Variants in WDR49 observed in about 807,000 individuals in gnomAD.
The protein encoded by WDR49 is cilia- and flagella-associated protein 337.
A neutral mutation model predicts 119.5 loss-of-function variants in WDR49; 107 were observed. That is an observed-to-expected ratio of 0.90 (90% CI 0.77 to 1.05). The LOEUF (loss-of-function observed/expected upper bound fraction) is 1.05. Ranked by LOEUF, WDR49 falls within the 50% of genes least tolerant of loss-of-function variation. The pLI, the probability that WDR49 is intolerant of heterozygous loss-of-function variation, is 0.00. For synonymous variants in WDR49, 425 were observed against 418.8 expected, an observed-to-expected ratio of 1.01 and a Z score of -0.18; for missense variants, 1,240 against 1,220.5, an observed-to-expected ratio of 1.02 and a Z score of -0.24.
intron 3 of WDR49, 143 bp downstream of exon 3, chr3:167,626,709 C>T (rs959021611): frequency 1.8e-6 from 1 of 568,940 alleles, no homozygotes; most frequent in Non-Finnish European, 2.6e-6. Flanking sequence ...CCCAAGAAAA[C>T]AGCTGGCACT....
In WDR49 at chr3:167,478,732, A is replaced by G; in HGVS notation, c.*146T>C. ...AAGAATACAGAGAAATTGACAGATG[A>G]TAGATAAAAGCAGTACTAAATTATC... On this transcript the variant is annotated 3_prime_UTR_variant, in exon 19 of 19. Coordinates refer to ENST00000682715, the MANE Select transcript of WDR49 (RefSeq NM_001366157.1). The G allele has an allele frequency of 2.1e-6, 1 of 472,360 alleles. No homozygotes were observed. Among genetic ancestry groups the G allele is most frequent in the Non-Finnish European group, 3.6e-6 (1 of 273,994 alleles). 29.3% of individuals were successfully genotyped at this position (472,360 alleles called of 1,614,324 possible).
chr3:167,613,492 C>T (rs1274635415), intron 5 of WDR49, among the ~76,000 whole-genome samples: 3 of 152,120 alleles, frequency 2.0e-5, no homozygotes, highest in Non-Finnish European at 4.4e-5. Flanking sequence ...CTAGCTAACT[C>T]GACAGTGTCT....
At chr3:167,588,413 T>C (rs1297991313) in intron 7 of WDR49, among the ~76,000 whole-genome samples, 3 of 152,198 alleles carry the variant, frequency 2.0e-5, no homozygotes, top group South Asian at 2.1e-4. Flanking sequence ...GCAACAAACA[T>C]GGAAGTGCAG....
intron 16 of WDR49, among the ~76,000 whole-genome samples, chr3:167,505,732 C>T (rs974119976): frequency 6.6e-6 from 1 of 152,126 alleles, no homozygotes; most frequent in African/African-American, 2.4e-5. Flanking sequence ...GTACATTATC[C>T]TTGCCTTATT....
At chr3:167,646,891 G>A (rs541894267) in intron 2 of WDR49, among the ~76,000 whole-genome samples, 1 of 152,214 alleles carries the variant, frequency 6.6e-6, no homozygotes, top group East Asian at 1.9e-4. Flanking sequence ...AGGGAGAAAA[G>A]ACCCCAAGGG....
At position 167,517,708 on chromosome 3, in the gene WDR49, TTTTTC is replaced by T. The variant is rs142525684; in HGVS notation, c.2774+4602_2774+4606del. ...TTTTCCGTTTTTAACCTTTACTTTT[TTTTTC>T]TTTTCTTTTCTTTTCTTTTCTTTTT... On this transcript the variant is annotated intron_variant, in intron 16 of 18. Transcript: ENST00000682715. Among the ~76,000 whole-genome samples, 1,263 of 147,026 alleles carry T rather than the reference TTTTTC, an allele frequency of 8.6e-3. 16 individuals are homozygous for T. Among genetic ancestry groups the T allele is most frequent in the African/African-American group, 0.028 (1,123 of 40,090 alleles).
intron 18 of WDR49, among the ~76,000 whole-genome samples, chr3:167,485,654 G>C (rs1190798334): frequency 1.3e-5 from 2 of 152,004 alleles, no homozygotes; most frequent in Admixed American, 6.6e-5. Context: ...ACCAAGCTGA[G>C]GAAAAACCTC....
upstream of WDR49, among the ~76,000 whole-genome samples, chr3:167,655,533 A>G (rs1378859304): frequency 6.6e-6 from 1 of 152,218 alleles, no homozygotes; most frequent in African/African-American, 2.4e-5. Flanking sequence ...CATTATAGAA[A>G]AAAATGAAGT....
chr3:167,646,290 G>A (rs890502231), intron 2 of WDR49, among the ~76,000 whole-genome samples: 5 of 152,068 alleles, frequency 3.3e-5, no homozygotes, highest in African/African-American at 1.2e-4. Context: ...TCCTAGGAAG[G>A]GAACATGGAA....
chr3:167,506,317 G>A (rs1365474691), intron 16 of WDR49, among the ~76,000 whole-genome samples: 4 of 152,116 alleles, frequency 2.6e-5, no homozygotes, highest in Non-Finnish European at 1.5e-5. Flanking sequence ...TGGGACTCTT[G>A]CTGTGGATTT....
chr3:167,551,970 T>C (rs532371268), intron 10 of WDR49, among the ~76,000 whole-genome samples: 26 of 152,038 alleles, frequency 1.7e-4, no homozygotes, highest in South Asian at 1.7e-3. Flanking sequence ...AGAGAAGATA[T>C]CTGAACAAGT....
intron 6 of WDR49, among the ~76,000 whole-genome samples, chr3:167,603,605 A>G (rs1480846140): frequency 1.3e-5 from 2 of 152,072 alleles, no homozygotes; most frequent in African/African-American, 4.8e-5. Context: ...CTCTGTAACT[A>G]CCCTATTAAT....
chr3:167,556,078 G>A (rs578000783), intron 9 of WDR49, among the ~76,000 whole-genome samples: 1 of 152,288 alleles, frequency 6.6e-6, no homozygotes, highest in East Asian at 1.9e-4. Flanking sequence ...CGTATATGCA[G>A]TCTGTTGTTA....
At chr3:167,636,334 T>C (rs1031765328) in intron 2 of WDR49, among the ~76,000 whole-genome samples, 1 of 151,596 alleles carries the variant, frequency 6.6e-6, no homozygotes, top group Non-Finnish European at 1.5e-5. Context: ...GTTGTATATA[T>C]ACGTATATAT....
At chr3:167,538,111 T>G (rs1199929750) in intron 10 of WDR49, among the ~76,000 whole-genome samples, 1 of 152,174 alleles carries the variant, frequency 6.6e-6, no homozygotes, top group African/African-American at 2.4e-5. Flanking sequence ...CCACTCAAAC[T>G]GGCTTAGAGA....
At chr3:167,650,504 A>T (rs1718324930) in intron 2 of WDR49, among the ~76,000 whole-genome samples, 1 of 152,230 alleles carries the variant, frequency 6.6e-6, no homozygotes, top group African/African-American at 2.4e-5. Context: ...TGTTCCAAAG[A>T]AAAGAATCAA....
At chr3:167,564,515 T>A (rs906139403) in intron 8 of WDR49, among the ~76,000 whole-genome samples, 1 of 152,216 alleles carries the variant, frequency 6.6e-6, no homozygotes, top group African/African-American at 2.4e-5. Context: ...TGGCGTCACA[T>A]GTCTATGCCA....
chr3:167,502,979 A>C (rs137958226), intron 17 of WDR49, among the ~76,000 whole-genome samples: 3 of 152,246 alleles, frequency 2.0e-5, no homozygotes, highest in Non-Finnish European at 4.4e-5. Context: ...CCAAGAGCTA[A>C]TATCCAAGAC....
chr3:167,558,381 A>G (rs1713069576), intron 9 of WDR49, among the ~76,000 whole-genome samples: 1 of 152,220 alleles, frequency 6.6e-6, no homozygotes. Flanking sequence ...CTAAATTTAT[A>G]AATTAGATTG....
Sources: gnomAD v4.1 joint callset for allele counts (sites outside exome capture counted in the v4.1 genomes callset) on GRCh38, gnomAD v4.1.1 for gene constraint, MANE v1.5 for transcripts, NCBI Gene and HGNC (gene_info 2026-07-23, HGNC 2026-07-21) for gene names.